The following UBE2E2 variants were observed in gnomAD, a reference collection of about 807,000 sequenced individuals.
The protein encoded by UBE2E2 is ubiquitin conjugating enzyme E2 E2, also known as ubiquitin-conjugating enzyme E2 E2.
A neutral mutation model predicts 24.7 loss-of-function variants in UBE2E2; 6 were observed. That is an observed-to-expected ratio of 0.24 (90% CI 0.13 to 0.48). The LOEUF (loss-of-function observed/expected upper bound fraction) is 0.48, where lower values mean the gene tolerates loss of function less well. UBE2E2 is among the 20% of genes least tolerant of loss of function. UBE2E2 has a pLI of 0.99. For synonymous variants in UBE2E2, 104 were observed against 83.6 expected (o/e 1.24, Z -1.33); for missense variants, 169 against 245.0 (o/e 0.69, Z 2.07).
At chr3:23,271,244 A>C (rs1170881838) in intron 3 of UBE2E2, 1 of 357,614 alleles carries the variant, frequency 2.8e-6, no homozygotes, top group African/African-American at 2.1e-5. Flanking sequence ...ACAGTTCTTA[A>C]AGATGGTGTG....
At chr3:23,289,039 G>A (rs1485297484) in intron 3 of UBE2E2, among the ~76,000 whole-genome samples, 1 of 152,188 alleles carries the variant, frequency 6.6e-6, no homozygotes. Flanking sequence ...CTCACCTGAT[G>A]TTTAATTCTC....
intron 5 of UBE2E2, among the ~76,000 whole-genome samples, chr3:23,556,454 T>TAAAAAAAAAAAAAAAAAAAAAAAAAAA (rs5847239): frequency 8.5e-5 from 8 of 94,336 alleles, no homozygotes; most frequent in African/African-American, 1.8e-4. Context: ...AAAATTTATT[T>TAAAAAAAAAAAAAAAAAAAAAAAAAAA]AAAAAAAAAA....
At chr3:23,274,105 C>A (rs1008400967) in intron 3 of UBE2E2, among the ~76,000 whole-genome samples, 1 of 152,130 alleles carries the variant, frequency 6.6e-6, no homozygotes, top group African/African-American at 2.4e-5. Context: ...AGCACAGTAG[C>A]TATGAATTAC....
chr3:23,423,410 C>T (rs1697850240), intron 3 of UBE2E2, among the ~76,000 whole-genome samples: 2 of 152,126 alleles, frequency 1.3e-5, no homozygotes, highest in African/African-American at 4.8e-5. Flanking sequence ...TCTGCTATTT[C>T]ATTTTTCTTT....
At chr3:23,581,639 G>A (rs1696480358) in intron 5 of UBE2E2, among the ~76,000 whole-genome samples, 1 of 152,162 alleles carries the variant, frequency 6.6e-6, no homozygotes, top group African/African-American at 2.4e-5. Flanking sequence ...GTGGAACTAA[G>A]TTAAAAACCC....
intron 2 of UBE2E2, 138 bp downstream of exon 2, chr3:23,209,013 C>T: frequency 1.0e-6 from 1 of 971,176 alleles, no homozygotes; most frequent in Admixed American, 3.1e-5. Flanking sequence ...TCAAGATGAT[C>T]TCGTTTACAT....
intron 5 of UBE2E2, among the ~76,000 whole-genome samples, chr3:23,571,406 C>T (rs1696227098): frequency 1.3e-5 from 2 of 150,396 alleles, no homozygotes; most frequent in South Asian, 4.2e-4. Flanking sequence ...TCTCCTGCCT[C>T]AGCCTCCCGA....
At chr3:23,261,133 A>G (rs1181802268) in intron 3 of UBE2E2, among the ~76,000 whole-genome samples, 2 of 151,874 alleles carry the variant, frequency 1.3e-5, no homozygotes, top group Non-Finnish European at 2.9e-5. Context: ...AAAGAAAAGT[A>G]ATGGAACTCA....
At chr3:23,251,546 C>T (rs1031099922) in intron 3 of UBE2E2, among the ~76,000 whole-genome samples, 8 of 152,286 alleles carry the variant, frequency 5.3e-5, no homozygotes, top group Middle Eastern at 3.4e-3. Context: ...TCGACATGTT[C>T]ATGCAACCCA....
intron 3 of UBE2E2, among the ~76,000 whole-genome samples, chr3:23,451,816 T>G (rs1698567805): frequency 6.6e-6 from 1 of 152,156 alleles, no homozygotes; most frequent in Non-Finnish European, 1.5e-5. Context: ...AAAAAATATA[T>G]TTATGCTTCC....
At chr3:23,353,167 C>G (rs1695816138) in intron 3 of UBE2E2, among the ~76,000 whole-genome samples, 1 of 152,116 alleles carries the variant, frequency 6.6e-6, no homozygotes, top group Admixed American at 6.5e-5. Context: ...CAGAAAAGGC[C>G]TTTGACAAAA....
intron 3 of UBE2E2, among the ~76,000 whole-genome samples, chr3:23,392,759 G>A (rs546974804): frequency 2.6e-5 from 4 of 152,226 alleles, no homozygotes; most frequent in East Asian, 3.9e-4. Flanking sequence ...AAAACTGCAC[G>A]TTAAGAGGTT....
chr3:23,545,187 T>C (rs1253820693), intron 5 of UBE2E2, among the ~76,000 whole-genome samples: 2 of 152,116 alleles, frequency 1.3e-5, no homozygotes, highest in Admixed American at 1.3e-4. Context: ...CCTCTTATAC[T>C]AATCCTCCTC....
intron 4 of UBE2E2, among the ~76,000 whole-genome samples, chr3:23,527,196 A>G (rs1695017604): frequency 1.3e-5 from 2 of 152,256 alleles, no homozygotes; most frequent in Non-Finnish European, 2.9e-5. Flanking sequence ...GAGAAACTAG[A>G]TCACATTGCT....
intron 3 of UBE2E2, among the ~76,000 whole-genome samples, chr3:23,352,431 T>A (rs1305582741): frequency 6.6e-6 from 1 of 151,938 alleles, no homozygotes; most frequent in Non-Finnish European, 1.5e-5. Context: ...TTCAAAAAAG[T>A]AATGAATCCA....
chr3:23,290,664 G>C (rs1255791795), intron 3 of UBE2E2, among the ~76,000 whole-genome samples: 1 of 151,680 alleles, frequency 6.6e-6, no homozygotes, highest in Non-Finnish European at 1.5e-5. Flanking sequence ...TTGTGATTTA[G>C]AATTTAAAAC....
intron 3 of UBE2E2, among the ~76,000 whole-genome samples, chr3:23,465,071 A>G (rs550861257): frequency 1.3e-3 from 195 of 152,340 alleles, no homozygotes; most frequent in African/African-American, 3.8e-3. Context: ...CATGTAGCTG[A>G]TAAGCTAGCA....
chr3:23,578,604 A>G (rs1195456870), intron 5 of UBE2E2, among the ~76,000 whole-genome samples: 2 of 152,254 alleles, frequency 1.3e-5, no homozygotes, highest in African/African-American at 4.8e-5. Context: ...AGCCATAAAA[A>G]GGAACAAGAT....
chr3:23,484,645 T>C (rs768387794), intron 3 of UBE2E2, among the ~76,000 whole-genome samples: 9 of 152,162 alleles, frequency 5.9e-5, no homozygotes, highest in Non-Finnish European at 8.8e-5. Flanking sequence ...TGTGAAGAAA[T>C]ACCCAAGACT....
Sources: gnomAD v4.1 joint callset for allele counts (sites outside exome capture counted in the v4.1 genomes callset) on GRCh38, gnomAD v4.1.1 for gene constraint, MANE v1.5 for transcripts, NCBI Gene and HGNC (gene_info 2026-07-23, HGNC 2026-07-21) for gene names.